Variants in ZNF600 observed in about 807,000 individuals in gnomAD.
ZNF600 encodes zinc finger protein 600.
Under a neutral mutation model 7.3 loss-of-function variants are expected in ZNF600, and 4 were observed. The observed-to-expected ratio is 0.55, with a 90% confidence interval of 0.27 to 1.25. The LOEUF (loss-of-function observed/expected upper bound fraction) is 1.25. ZNF600 is among the 50% of genes most tolerant of loss of function. ZNF600 has a pLI of 0.12. For synonymous variants in ZNF600, 290 were observed against 308.9 expected, an observed-to-expected ratio of 0.94 and a Z score of 0.64; for missense variants, 911 against 922.1, an observed-to-expected ratio of 0.99 and a Z score of 0.16.
chr19:52,795,446 A>T, the ZNF600 span, among the ~76,000 whole-genome samples: 13 of 151,226 alleles, frequency 8.6e-5, no homozygotes, highest in African/African-American at 3.2e-4. Flanking sequence ...GTGGTTAAAA[A>T]AATATATATA....
the ZNF600 span, chr19:52,810,110 G>C: frequency 1.2e-6 from 1 of 809,188 alleles, no homozygotes; most frequent in Non-Finnish European, 2.2e-6. Flanking sequence ...GCCAAGAGGA[G>C]GGGGAGGAGC....
intron 2 of ZNF600, among the ~76,000 whole-genome samples, chr19:52,778,205 G>A (rs778206567): frequency 2.2e-4 from 34 of 151,924 alleles, no homozygotes; most frequent in Non-Finnish European, 4.0e-4. Context: ...GTAGAGGTGG[G>A]GTTTCACCAT....
At chr19:52,831,118 T>A in the ZNF600 span, among the ~76,000 whole-genome samples, 1 of 152,130 alleles carries the variant, frequency 6.6e-6, no homozygotes, top group African/African-American at 2.4e-5. Context: ...CAATATGCCT[T>A]GTATAGATTC....
At chr19:52,801,065 G>A in the ZNF600 span, 9 of 1,613,978 alleles carry the variant, frequency 5.6e-6, no homozygotes, top group Middle Eastern at 1.6e-4. Context: ...ATCTACGATG[G>A]CATGCAAGGT....
the ZNF600 span, among the ~76,000 whole-genome samples, chr19:52,823,647 C>T: frequency 6.6e-5 from 10 of 152,176 alleles, no homozygotes; most frequent in African/African-American, 2.2e-4. Context: ...AATTATTTAA[C>T]TTCCTACTGA....
chr19:52,774,611 C>T (rs2062658009), exon 3 of ZNF600: 2 of 985,380 alleles, frequency 2.0e-6, no homozygotes, highest in African/African-American at 1.7e-5. Flanking sequence ...TCCAACATCA[C>T]TTCCCTGTAC....
the ZNF600 span, among the ~76,000 whole-genome samples, chr19:52,809,053 T>C: frequency 6.6e-6 from 1 of 152,154 alleles, no homozygotes; most frequent in African/African-American, 2.4e-5. Flanking sequence ...TATGTACATA[T>C]ATGAAGTTTT....
chr19:52,767,705 G>A (rs757137449), exon 4 of ZNF600: 51 of 1,612,940 alleles, frequency 3.2e-5, no homozygotes, highest in Non-Finnish European at 4.1e-5. Flanking sequence ...ATGTCCCTGT[G>A]TGGATCACTT....
At chr19:52,810,073 C>T in the ZNF600 span, 1 of 754,248 alleles carries the variant, frequency 1.3e-6, no homozygotes. Flanking sequence ...GCTCCAGGAC[C>T]TGGGCCTCGT....
the ZNF600 span, chr19:52,800,397 T>C: frequency 2.5e-6 from 4 of 1,614,094 alleles, no homozygotes; most frequent in Non-Finnish European, 3.4e-6. Context: ...CCTATGTCTT[T>C]CAAGGTGTGA....
chr19:52,779,813 G>A (rs777546178), intron 1 of ZNF600, among the ~76,000 whole-genome samples: 15 of 152,102 alleles, frequency 9.9e-5, no homozygotes, highest in Non-Finnish European at 1.8e-4. Context: ...GGATTACACA[G>A]GTAGATCACT....
chr19:52,800,210 A>G, the ZNF600 span: 1 of 1,613,472 alleles, frequency 6.2e-7, no homozygotes, highest in Non-Finnish European at 8.5e-7. Flanking sequence ...TCTCTGCAGT[A>G]TGAAGTTTAT....
At chr19:52,816,004 A>G in the ZNF600 span, among the ~76,000 whole-genome samples, 2 of 146,992 alleles carry the variant, frequency 1.4e-5, 1 homozygote, top group African/African-American at 5.3e-5. Flanking sequence ...TTTTTTTTAA[A>G]GTCTCATAAT....
chr19:52,785,875 T>C (rs747877934), intron 1 of ZNF600, among the ~76,000 whole-genome samples: 9 of 152,216 alleles, frequency 5.9e-5, no homozygotes, highest in Non-Finnish European at 1.0e-4. Context: ...TCTGTACATC[T>C]AGCTTTTCTC....
chr19:52,811,633 A>G, the ZNF600 span, among the ~76,000 whole-genome samples: 1 of 143,572 alleles, frequency 7.0e-6, no homozygotes, highest in African/African-American at 2.8e-5. Context: ...CCCGTCTGAG[A>G]AGTGAGGAAA....
the ZNF600 span, among the ~76,000 whole-genome samples, chr19:52,796,027 T>A: frequency 1.3e-5 from 2 of 152,108 alleles, no homozygotes; most frequent in African/African-American, 4.8e-5. Context: ...ACACAAAAAT[T>A]TGCCGGGTGC....
At chr19:52,821,582 T>C in the ZNF600 span, 2 of 152,264 alleles carry the variant, frequency 1.3e-5, no homozygotes, top group East Asian at 3.9e-4. Flanking sequence ...AGAGCAAAAC[T>C]CACCGCCCGC....
chr19:52,825,149 C>T, the ZNF600 span, among the ~76,000 whole-genome samples: 1 of 152,088 alleles, frequency 6.6e-6, no homozygotes, highest in African/African-American at 2.4e-5. Flanking sequence ...CTAGAAGAAG[C>T]AATCAGTTTC....
chr19:52,819,297 T>C, the ZNF600 span, among the ~76,000 whole-genome samples: 6 of 142,626 alleles, frequency 4.2e-5, no homozygotes, highest in Admixed American at 2.1e-4. Flanking sequence ...GGCACTGACA[T>C]GACCTGCTTT....
Sources: allele counts gnomAD v4.1 joint callset (sites outside exome capture counted in the v4.1 genomes callset), GRCh38; gene constraint gnomAD v4.1.1; transcripts MANE v1.5; gene names NCBI Gene and HGNC (gene_info 2026-07-23, HGNC 2026-07-21).